The following KLHL32 variants were observed in gnomAD, a reference collection of about 807,000 sequenced individuals.
KLHL32 encodes the protein kelch-like protein 32.
In KLHL32, 35 loss-of-function variants were observed where a neutral mutation model predicts 64.8. That is an observed-to-expected ratio of 0.54 (90% confidence interval 0.41 to 0.72). The LOEUF is 0.72. KLHL32 is among the 30% of genes least tolerant of loss of function. KLHL32 has a pLI of 0.00. For missense variants in KLHL32, 589 were observed against 768.5 expected, an observed-to-expected ratio of 0.77 and a Z score of 2.76; for synonymous variants, 259 against 281.0, an observed-to-expected ratio of 0.92 and a Z score of 0.78.
intron 10 of KLHL32, among the ~76,000 whole-genome samples, chr6:97,138,584 A>G (rs1800327683): frequency 6.6e-6 from 1 of 152,054 alleles, no homozygotes; most frequent in South Asian, 2.1e-4. Flanking sequence ...AACAAAACAA[A>G]CAAAAAAACT....
chr6:97,127,271 A>T (rs901342948), intron 7 of KLHL32, 133 bp from the exon 8 acceptor site: 1 of 692,746 alleles, frequency 1.4e-6, no homozygotes, highest in Non-Finnish European at 2.5e-6. Flanking sequence ...TAATTATGTC[A>T]TGGGCTCACC....
At chr6:96,973,032 T>C (rs1281664150) in intron 2 of KLHL32, among the ~76,000 whole-genome samples, 2 of 152,260 alleles carry the variant, frequency 1.3e-5, no homozygotes, top group African/African-American at 2.4e-5. Flanking sequence ...GAGGCCTTTA[T>C]TTCTTGCCAA....
At chr6:97,061,725 C>CCATAAA (rs1378329399) in intron 4 of KLHL32, among the ~76,000 whole-genome samples, 4 of 152,212 alleles carry the variant, frequency 2.6e-5, no homozygotes, top group Non-Finnish European at 5.9e-5. Context: ...TGTTTGAGAT[C>CCATAAA]CCTTTTTTTC....
intron 10 of KLHL32, among the ~76,000 whole-genome samples, chr6:97,135,456 C>G (rs1024381242): frequency 2.0e-5 from 3 of 151,930 alleles, no homozygotes; most frequent in African/African-American, 7.3e-5. Context: ...CAGGCATGTG[C>G]CACCATGCCC....
chr6:96,941,579 A>G (rs569441710), intron 1 of KLHL32, among the ~76,000 whole-genome samples: 1 of 152,148 alleles, frequency 6.6e-6, no homozygotes, highest in South Asian at 2.1e-4. Context: ...TGATGTGATG[A>G]CCAAAAAACA....
At chr6:97,056,998 C>G (rs1442521772) in intron 4 of KLHL32, among the ~76,000 whole-genome samples, 1 of 152,076 alleles carries the variant, frequency 6.6e-6, no homozygotes, top group Non-Finnish European at 1.5e-5. Context: ...TCTATTTATA[C>G]TTAAATTTGA....
intron 3 of KLHL32, among the ~76,000 whole-genome samples, chr6:97,040,767 G>A (rs1345918384): frequency 1.3e-5 from 2 of 152,234 alleles, no homozygotes; most frequent in South Asian, 4.1e-4. Flanking sequence ...ATTGGATCAT[G>A]GGGGCGATTT....
intron 3 of KLHL32, among the ~76,000 whole-genome samples, chr6:96,989,412 C>G (rs1262158192): frequency 1.3e-5 from 2 of 152,146 alleles, no homozygotes; most frequent in African/African-American, 4.8e-5. Context: ...TTTAAGAATG[C>G]TGAATATAGG....
At chr6:97,006,360 G>T (rs987672383) in intron 3 of KLHL32, among the ~76,000 whole-genome samples, 1 of 152,038 alleles carries the variant, frequency 6.6e-6, no homozygotes, top group Non-Finnish European at 1.5e-5. Flanking sequence ...CTGTTTGCTT[G>T]GCAGATTTTT....
At chr6:96,936,054 G>A (rs931750946) in intron 1 of KLHL32, among the ~76,000 whole-genome samples, 6 of 152,214 alleles carry the variant, frequency 3.9e-5, no homozygotes, top group Non-Finnish European at 8.8e-5. Context: ...TCACTCAGGA[G>A]TGACTGACTG....
intron 6 of KLHL32, among the ~76,000 whole-genome samples, chr6:97,093,668 A>T (rs1353083060): frequency 3.3e-5 from 5 of 150,934 alleles, no homozygotes; most frequent in African/African-American, 1.2e-4. Context: ...GTCGTACAGG[A>T]AAGTGTTGCT....
chr6:97,097,576 A>T (rs539492581), intron 6 of KLHL32, among the ~76,000 whole-genome samples: 1 of 151,974 alleles, frequency 6.6e-6, no homozygotes, highest in South Asian at 2.1e-4. Context: ...GATTTAATTT[A>T]TTCTGTGCCC....
chr6:96,947,385 A>G lies in KLHL32; in HGVS notation c.-65-19611A>G, dbSNP rs368713471. Among the ~76,000 whole-genome samples, 26 of 152,330 alleles carry G rather than the reference A, an allele frequency of 1.7e-4. No homozygotes were observed. In the Middle Eastern group the frequency reaches 0.02, roughly 120 times the overall value. ...ATAAACTGTTATATTTAATTTGTCT[A>G]AAGTTTTTATTTTAACATAAATAAG... On this transcript the variant is annotated intron_variant, in intron 1 of 10. Coordinates refer to ENST00000369261, the MANE Select transcript of KLHL32 (RefSeq NM_052904.4).
Position 97,140,216 on chromosome 6 carries a change from A to AAAC in KLHL32, c.*935_*937dup, listed in dbSNP as rs1469172754. On this transcript the variant is annotated 3_prime_UTR_variant, in exon 11 of 11. Coordinates refer to ENST00000369261, the MANE Select transcript of KLHL32 (RefSeq NM_052904.4). ...AAAATCTAAACTTGTACAGGTATCTAAACTTGCCTCAAGTAACTCTCAGAT... is the reference window on the plus strand; with the variant it reads ...AAAATCTAAACTTGTACAGGTATCTAAACAACTTGCCTCAAGTAACTCTCAGAT... 7.1e-6 allele frequency: 1 copy of AAAC among 139,892 alleles called. No individual in the cohort carries two copies. The allele number at this position is 139,892 out of a possible 1,614,324, so 8.7% of individuals were successfully genotyped here.
chr6:97,089,591 C>T (rs879383), intron 6 of KLHL32, among the ~76,000 whole-genome samples: 10,097 of 152,110 alleles, frequency 0.066, 766 homozygotes, highest in Admixed American at 0.21. Context: ...CCAGCCTGCC[C>T]AACATAGTGA....
chr6:97,095,489 A>G (rs1794855946), intron 6 of KLHL32, among the ~76,000 whole-genome samples: 1 of 152,236 alleles, frequency 6.6e-6, no homozygotes, highest in Admixed American at 6.5e-5. Context: ...GAGTTAGAAT[A>G]GGCACCTACC....
intron 6 of KLHL32, among the ~76,000 whole-genome samples, chr6:97,108,002 G>T (rs1796638231): frequency 6.6e-6 from 1 of 152,206 alleles, no homozygotes; most frequent in African/African-American, 2.4e-5. Context: ...ATTCTCCATT[G>T]TGGTCAGATG....
chr6:97,009,321 A>G (rs750580887), intron 3 of KLHL32, among the ~76,000 whole-genome samples: 2 of 152,020 alleles, frequency 1.3e-5, no homozygotes, highest in Non-Finnish European at 2.9e-5. Flanking sequence ...CTATATTTTA[A>G]ATTTAAATGT....
At chr6:96,949,331 GTC>G (rs1772295870) in intron 1 of KLHL32, among the ~76,000 whole-genome samples, 1 of 151,898 alleles carries the variant, frequency 6.6e-6, no homozygotes, top group African/African-American at 2.4e-5. Flanking sequence ...ATTCTAGTTA[GTC>G]AGTTTTCTCT....
Sources: gnomAD v4.1 joint callset for allele counts (sites outside exome capture counted in the v4.1 genomes callset) on GRCh38, gnomAD v4.1.1 for gene constraint, MANE v1.5 for transcripts, NCBI Gene and HGNC (gene_info 2026-07-23, HGNC 2026-07-21) for gene names.